SLC35D4: variants seen among roughly 807,000 people sequenced by gnomAD.
SLC35D4 encodes UDP-N-acetylglucosamine transporter SLC35D4.
chr18:23,371,647 A>G, the SLC35D4 span, among the ~76,000 whole-genome samples: 2 of 151,922 alleles, frequency 1.3e-5, no homozygotes, highest in Non-Finnish European at 2.9e-5. Flanking sequence ...CCAGTTGCCT[A>G]CATCTTCCTA....
the SLC35D4 span, among the ~76,000 whole-genome samples, chr18:23,273,031 G>A: frequency 1.3e-5 from 2 of 152,202 alleles, no homozygotes; most frequent in Admixed American, 6.5e-5. Flanking sequence ...CCGGTGAGCC[G>A]CAATCAGCCT....
chr18:23,337,302 T>C, the SLC35D4 span, among the ~76,000 whole-genome samples: 1 of 151,946 alleles, frequency 6.6e-6, no homozygotes, highest in African/African-American at 2.4e-5. Flanking sequence ...TGAAACCCCC[T>C]CTCTACTAAA....
the SLC35D4 span, among the ~76,000 whole-genome samples, chr18:23,255,557 ATTT>A: frequency 1.7e-4 from 22 of 132,476 alleles, no homozygotes; most frequent in African/African-American, 2.6e-4. Flanking sequence ...TGAACTAATG[ATTT>A]TTTTTTTTTT....
the SLC35D4 span, among the ~76,000 whole-genome samples, chr18:23,315,106 G>GT: frequency 3.3e-5 from 5 of 152,084 alleles, no homozygotes; most frequent in Admixed American, 3.3e-4. Context: ...TGTTCTATTG[G>GT]TTTTTAAATG....
At chr18:23,351,443 A>T in the SLC35D4 span, among the ~76,000 whole-genome samples, 1 of 152,114 alleles carries the variant, frequency 6.6e-6, no homozygotes, top group Non-Finnish European at 1.5e-5. Context: ...CAAAAACAAA[A>T]AAATGCATGG....
the SLC35D4 span, chr18:23,298,178 CA>C: frequency 8.1e-7 from 1 of 1,230,152 alleles, no homozygotes; most frequent in Non-Finnish European, 1.2e-6. Flanking sequence ...AACTGAGACT[CA>C]TCACCAGCCC....
chr18:23,277,775 ACTGG>A, the SLC35D4 span, among the ~76,000 whole-genome samples: 1 of 151,922 alleles, frequency 6.6e-6, no homozygotes, highest in Middle Eastern at 3.4e-3. Flanking sequence ...AGGCATCAAG[ACTGG>A]GGGTGATTTT....
At chr18:23,408,495 C>T in the SLC35D4 span, among the ~76,000 whole-genome samples, 1 of 152,196 alleles carries the variant, frequency 6.6e-6, no homozygotes, top group African/African-American at 2.4e-5. Flanking sequence ...CCACAACTGA[C>T]ATTTCTTCTT....
the SLC35D4 span, chr18:23,296,010 C>A: frequency 6.6e-6 from 1 of 151,918 alleles, no homozygotes; most frequent in African/African-American, 2.4e-5. Context: ...AAACAAGTGA[C>A]CATTTTGTGT....
At chr18:23,283,508 A>AAAAG in the SLC35D4 span, among the ~76,000 whole-genome samples, 1 of 148,196 alleles carries the variant, frequency 6.7e-6, no homozygotes, top group South Asian at 2.4e-4. Flanking sequence ...GAAAGAAAAG[A>AAAAG]AAAGAAAGAA....
the SLC35D4 span, among the ~76,000 whole-genome samples, chr18:23,366,999 C>T: frequency 6.6e-6 from 1 of 152,142 alleles, no homozygotes; most frequent in South Asian, 2.1e-4. Context: ...AACATATACC[C>T]TGTATATACT....
At chr18:23,286,641 C>T in the SLC35D4 span, among the ~76,000 whole-genome samples, 7 of 151,954 alleles carry the variant, frequency 4.6e-5, no homozygotes, top group Admixed American at 3.3e-4. Flanking sequence ...TGGAGGCTAC[C>T]CACTCCACGT....
the SLC35D4 span, chr18:23,377,514 G>A: frequency 1.3e-6 from 1 of 770,722 alleles, no homozygotes; most frequent in Non-Finnish European, 2.0e-6. Flanking sequence ...ACACAAATTA[G>A]GGATATATGA....
At chr18:23,286,616 C>A in the SLC35D4 span, among the ~76,000 whole-genome samples, 2 of 151,918 alleles carry the variant, frequency 1.3e-5, no homozygotes. Flanking sequence ...AAGTCCGTCC[C>A]CTTCTTAATC....
chr18:23,363,385 T>G, the SLC35D4 span, among the ~76,000 whole-genome samples: 455 of 123,616 alleles, frequency 3.7e-3, 2 homozygotes, highest in African/African-American at 0.014. Context: ...TTTTTTTTTT[T>G]TTTTTTTTTG....
the SLC35D4 span, among the ~76,000 whole-genome samples, chr18:23,243,206 T>C: frequency 6.6e-6 from 1 of 152,002 alleles, no homozygotes; most frequent in Non-Finnish European, 1.5e-5. Context: ...TGGCCTCAGG[T>C]TTCAAGGTGC....
At chr18:23,352,137 T>G in the SLC35D4 span, 34 of 1,476,268 alleles carry the variant, frequency 2.3e-5, no homozygotes, top group Non-Finnish European at 3.0e-5. Flanking sequence ...ACCCAGGTTC[T>G]GAGATCTTTG....
At chr18:23,290,621 T>A in the SLC35D4 span, among the ~76,000 whole-genome samples, 3 of 131,670 alleles carry the variant, frequency 2.3e-5, no homozygotes, top group Non-Finnish European at 3.2e-5. Flanking sequence ...TTTAACTCAC[T>A]CTGAAATTCT....
the SLC35D4 span, among the ~76,000 whole-genome samples, chr18:23,314,237 G>T: frequency 6.6e-6 from 1 of 152,216 alleles, no homozygotes; most frequent in Non-Finnish European, 1.5e-5. Flanking sequence ...AGAAATGCGT[G>T]CAAAAGGCCT....
Sources: gnomAD v4.1 joint callset for allele counts (sites outside exome capture counted in the v4.1 genomes callset) on GRCh38, gnomAD v4.1.1 for gene constraint, MANE v1.5 for transcripts, NCBI Gene and HGNC (gene_info 2026-07-23, HGNC 2026-07-21) for gene names.